The following SLC25A13 variants were observed in gnomAD, a reference collection of about 807,000 sequenced individuals.
SLC25A13 encodes solute carrier family 25 member 13.
A neutral mutation model predicts 85.5 loss-of-function variants in SLC25A13; 70 were observed. The ratio of observed to expected loss-of-function variants is 0.82; its 90% confidence interval spans 0.68 to 1.00. The LOEUF (loss-of-function observed/expected upper bound fraction) is 1.00, where lower values mean the gene tolerates loss of function less well. Ranked by LOEUF, SLC25A13 falls within the 50% of genes least tolerant of loss-of-function variation. SLC25A13 has a pLI of 0.00. For missense variants in SLC25A13, 765 were observed against 819.8 expected, an observed-to-expected ratio of 0.93 and a Z score of 0.82; for synonymous variants, 259 against 288.7, an observed-to-expected ratio of 0.90 and a Z score of 1.04.
At chr7:96,145,147 A>T (rs1243624454) in intron 14 of SLC25A13, among the ~76,000 whole-genome samples, 1 of 152,214 alleles carries the variant, frequency 6.6e-6, no homozygotes, top group Non-Finnish European at 1.5e-5. Context: ...TTTAAGTTCT[A>T]CTTAAAAAAA....
At chr7:96,159,316 C>T (rs561320631) in intron 13 of SLC25A13, among the ~76,000 whole-genome samples, 204 of 152,334 alleles carry the variant, frequency 1.3e-3, no homozygotes, top group African/African-American at 4.7e-3. Context: ...TCCTAACTCT[C>T]AGGACCTCAG....
intron 15 of SLC25A13, among the ~76,000 whole-genome samples, chr7:96,124,856 T>C (rs1791661968): frequency 6.6e-6 from 1 of 152,198 alleles, no homozygotes; most frequent in African/African-American, 2.4e-5. Flanking sequence ...AAACGTTACA[T>C]GCATTTGTTA....
chr7:96,238,831 A>C (rs914761182), intron 3 of SLC25A13, among the ~76,000 whole-genome samples: 1 of 151,930 alleles, frequency 6.6e-6, no homozygotes, highest in Admixed American at 6.6e-5. Context: ...TTACCCCTTC[A>C]CAGACATTAG....
intron 9 of SLC25A13, among the ~76,000 whole-genome samples, chr7:96,186,927 G>C (rs986660851): frequency 6.6e-6 from 1 of 151,984 alleles, no homozygotes. Flanking sequence ...ACCACCCAGA[G>C]ATACTCAAAA....
chr7:96,193,154 G>C lies in SLC25A13; in HGVS notation c.498C>G (p.Ala166=). The stretch of plus-strand genomic sequence containing the variant: ...TCCTAGCATTGTCCCGTTGCACAAA[G>C]GCTTGCTTTGCGTGCTCCAGTTGTA... ...LEIQLEHAKQ[A]FVQRDNARTG... The change falls in exon 6 of 18, where the codon GCC becomes GCG. Residue 166 remains alanine (A), a synonymous_variant. Coordinates refer to ENST00000265631, the MANE Select transcript of SLC25A13 (RefSeq NM_014251.3). 6.2e-7 allele frequency: 1 copy of C among 1,613,996 alleles called. No individual in the cohort carries two copies. Among genetic ancestry groups the C allele is most frequent in the Non-Finnish European group, 8.5e-7 (1 of 1,179,968 alleles).
At chr7:96,183,166 A>G (rs767792949) in intron 11 of SLC25A13, among the ~76,000 whole-genome samples, 34 of 152,218 alleles carry the variant, frequency 2.2e-4, no homozygotes, top group Non-Finnish European at 2.2e-4. Flanking sequence ...AAGAGGGCAG[A>G]GCAAAGATCA....
chr7:96,248,529 C>T (rs971077666), intron 3 of SLC25A13, among the ~76,000 whole-genome samples: 3 of 152,074 alleles, frequency 2.0e-5, no homozygotes, highest in African/African-American at 7.2e-5. Context: ...TTTCCTAATG[C>T]AAAATAAGAA....
chr7:96,184,619 C>T (rs1794552717), intron 10 of SLC25A13, 184 bp from the exon 11 acceptor site: 1 of 663,780 alleles, frequency 1.5e-6, no homozygotes, highest in African/African-American at 1.8e-5. Context: ...ATTCAAGTAT[C>T]CCCTAATAAA....
intron 13 of SLC25A13, among the ~76,000 whole-genome samples, chr7:96,160,831 C>G (rs1793479602): frequency 6.6e-6 from 1 of 152,166 alleles, no homozygotes; most frequent in Admixed American, 6.5e-5. Flanking sequence ...GAAAGAGCCT[C>G]TCATTGGAGT....
chr7:96,313,869 C>A (rs1336320029), intron 1 of SLC25A13, among the ~76,000 whole-genome samples: 2 of 152,114 alleles, frequency 1.3e-5, no homozygotes, highest in African/African-American at 4.8e-5. Context: ...TAAAGTAATG[C>A]TTCTCAAAAG....
chr7:96,238,613 A>G (rs1325350448), intron 3 of SLC25A13, among the ~76,000 whole-genome samples: 1 of 152,094 alleles, frequency 6.6e-6, no homozygotes, highest in Non-Finnish European at 1.5e-5. Flanking sequence ...ACCTTGAGGA[A>G]TTCACCGACA....
chr7:96,179,751 G>A (rs909663533), intron 11 of SLC25A13, among the ~76,000 whole-genome samples: 2 of 152,204 alleles, frequency 1.3e-5, no homozygotes, highest in Non-Finnish European at 2.9e-5. Context: ...GGACATGGAT[G>A]GACATGAGTG....
chr7:96,281,480 A>C (rs1483180278), intron 2 of SLC25A13, among the ~76,000 whole-genome samples: 1 of 152,108 alleles, frequency 6.6e-6, no homozygotes, highest in African/African-American at 2.4e-5. Context: ...ACATAAGAAA[A>C]CCTAGCGTAT....
intron 14 of SLC25A13, among the ~76,000 whole-genome samples, chr7:96,132,291 T>C (rs1157316636): frequency 6.6e-6 from 1 of 152,156 alleles, no homozygotes; most frequent in Non-Finnish European, 1.5e-5. Context: ...CACTAGGAAG[T>C]AGACAAATTA....
chr7:96,203,782 T>A (rs1370040655), intron 5 of SLC25A13, among the ~76,000 whole-genome samples: 1 of 152,124 alleles, frequency 6.6e-6, no homozygotes, highest in African/African-American at 2.4e-5. Context: ...AACCTGGAAA[T>A]GACAGTACAA....
intron 3 of SLC25A13, among the ~76,000 whole-genome samples, chr7:96,239,360 A>G (rs577252175): frequency 1.3e-5 from 2 of 150,092 alleles, no homozygotes; most frequent in East Asian, 1.9e-4. Context: ...ATACCTAAAA[A>G]TGTTTATATA....
chr7:96,251,440 CAAG>C (rs1797423294), intron 3 of SLC25A13, among the ~76,000 whole-genome samples: 2 of 152,158 alleles, frequency 1.3e-5, no homozygotes, highest in Non-Finnish European at 2.9e-5. Flanking sequence ...TCTGGCTGCA[CAAG>C]AAGATTTGGT....
intron 4 of SLC25A13, among the ~76,000 whole-genome samples, chr7:96,225,898 C>T (rs1484151040): frequency 6.6e-6 from 1 of 152,244 alleles, no homozygotes; most frequent in African/African-American, 2.4e-5. Flanking sequence ...ACAGACTCCG[C>T]GCTTAGAACC....
At chr7:96,172,337 C>A (rs1794037075) in intron 11 of SLC25A13, among the ~76,000 whole-genome samples, 1 of 152,100 alleles carries the variant, frequency 6.6e-6, no homozygotes. Flanking sequence ...GAGGGTGGAT[C>A]ATCTGAGGTC....
Sources: gnomAD v4.1 joint callset for allele counts (sites outside exome capture counted in the v4.1 genomes callset) on GRCh38, gnomAD v4.1.1 for gene constraint, MANE v1.5 for transcripts, NCBI Gene and HGNC (gene_info 2026-07-23, HGNC 2026-07-21) for gene names.